The following NRG1 variants were observed in gnomAD, a reference collection of about 807,000 sequenced individuals.
NRG1 encodes neuregulin 1, also known as pro-neuregulin-1, membrane-bound isoform.
In NRG1, 18 loss-of-function variants were observed where a neutral mutation model predicts 63.8. That is an observed-to-expected ratio of 0.28 (90% CI 0.19 to 0.42). The LOEUF (loss-of-function observed/expected upper bound fraction) is 0.42. Among genes scored for constraint, NRG1 ranks in the 10% least tolerant of loss-of-function variants. NRG1 has a pLI of 1.00. For missense variants in NRG1, 762 were observed against 814.7 expected, an observed-to-expected ratio of 0.94 and a Z score of 0.79; for synonymous variants, 302 against 301.3, an observed-to-expected ratio of 1.00 and a Z score of -0.02.
chr8:32,541,467 G>A (rs1832564393), intron 1 of NRG1, among the ~76,000 whole-genome samples: 1 of 149,000 alleles, frequency 6.7e-6, no homozygotes, highest in South Asian at 2.1e-4. Flanking sequence ...AATCTGTTTT[G>A]GAAATGCTTT....
At chr8:31,976,963 G>A (rs1204746973) in intron 1 of NRG1, among the ~76,000 whole-genome samples, 1 of 152,158 alleles carries the variant, frequency 6.6e-6, no homozygotes, top group East Asian at 1.9e-4. Context: ...AAGATGAAAT[G>A]TTTGTGGTTT....
At chr8:32,371,944 G>A (rs1339415110) in intron 1 of NRG1, among the ~76,000 whole-genome samples, 7 of 150,678 alleles carry the variant, frequency 4.6e-5, no homozygotes, top group Middle Eastern at 3.4e-3. Context: ...TGTGAGATAC[G>A]ATTTACCACA....
chr8:32,154,221 A>G (rs959457811), intron 1 of NRG1, among the ~76,000 whole-genome samples: 3 of 152,136 alleles, frequency 2.0e-5, no homozygotes, highest in African/African-American at 7.2e-5. Flanking sequence ...AGGAAGGCCA[A>G]TGCAGTTTTG....
chr8:32,725,272 G>A (rs1178911940), intron 5 of NRG1, among the ~76,000 whole-genome samples: 2 of 152,038 alleles, frequency 1.3e-5, no homozygotes, highest in African/African-American at 4.8e-5. Context: ...AGATGCAAAG[G>A]CCACTAGGGT....
intron 5 of NRG1, among the ~76,000 whole-genome samples, chr8:32,621,600 C>T (rs913841066): frequency 3.3e-5 from 5 of 152,068 alleles, no homozygotes; most frequent in African/African-American, 7.2e-5. Flanking sequence ...GAAAACAAAA[C>T]GGAAAATCTA....
chr8:32,698,290 C>CATATATTTTTTTTT (rs1813903663), intron 5 of NRG1, among the ~76,000 whole-genome samples: 1 of 151,854 alleles, frequency 6.6e-6, no homozygotes, highest in Admixed American at 6.6e-5. Flanking sequence ...TGCCTCTTTT[C>CATATATTTTTTTTT]TGTCGCATTC....
chr8:32,759,335 T>G, exon 10 of NRG1: 1 of 1,613,886 alleles, frequency 6.2e-7, no homozygotes, highest in Non-Finnish European at 8.5e-7. Flanking sequence ...TCATCTCCAG[T>G]GAGCATATTG....
At chr8:32,709,382 C>T (rs1297488258) in intron 5 of NRG1, among the ~76,000 whole-genome samples, 13 of 151,788 alleles carry the variant, frequency 8.6e-5, no homozygotes, top group Admixed American at 8.5e-4. Flanking sequence ...CTGTGACTTA[C>T]CTTGCTATAT....
At chr8:31,873,546 G>A (rs879393808) in intron 1 of NRG1, among the ~76,000 whole-genome samples, 3 of 152,122 alleles carry the variant, frequency 2.0e-5, no homozygotes, top group Non-Finnish European at 4.4e-5. Context: ...GTGACACAGC[G>A]AGACTCCGTC....
intron 1 of NRG1, among the ~76,000 whole-genome samples, chr8:32,550,421 A>T (rs1833898183): frequency 2.0e-5 from 3 of 151,974 alleles, no homozygotes; most frequent in African/African-American, 7.3e-5. Flanking sequence ...CGTTGTAAAG[A>T]GTTATTTTGG....
chr8:32,605,064 A>G (rs1845039024), intron 2 of NRG1, among the ~76,000 whole-genome samples: 1 of 152,134 alleles, frequency 6.6e-6, no homozygotes, highest in Admixed American at 6.6e-5. Context: ...CAAAATTAAC[A>G]TTATTCTTGA....
intron 1 of NRG1, among the ~76,000 whole-genome samples, chr8:31,664,996 G>C (rs574131762): frequency 4.3e-4 from 66 of 152,330 alleles, no homozygotes; most frequent in African/African-American, 1.4e-3. Context: ...TAAGAATTCA[G>C]AGGAGGTAGA....
At chr8:32,141,061 T>G (rs887675691) in intron 1 of NRG1, among the ~76,000 whole-genome samples, 2 of 152,124 alleles carry the variant, frequency 1.3e-5, no homozygotes, top group East Asian at 3.9e-4. Context: ...TGAGAAATCT[T>G]ATTAGTATCC....
intron 1 of NRG1, among the ~76,000 whole-genome samples, chr8:32,516,238 G>GCCA (rs1431145813): frequency 2.0e-5 from 3 of 151,968 alleles, no homozygotes; most frequent in Non-Finnish European, 4.4e-5. Flanking sequence ...TTATTTCTGG[G>GCCA]TTCTTTATTC....
chr8:31,696,732 C>A (rs535869154), intron 1 of NRG1, among the ~76,000 whole-genome samples: 8 of 152,252 alleles, frequency 5.3e-5, no homozygotes, highest in Admixed American at 4.6e-4. Context: ...TAAATGGAAA[C>A]CTGAGCAGTT....
chr8:32,718,771 T>G (rs1002696486), intron 5 of NRG1, among the ~76,000 whole-genome samples: 3 of 152,196 alleles, frequency 2.0e-5, no homozygotes, highest in African/African-American at 7.2e-5. Flanking sequence ...TAGGCCAAAT[T>G]CACCTTCTTA....
chr8:32,663,762 G>A (rs1803455401), intron 5 of NRG1, among the ~76,000 whole-genome samples: 1 of 152,046 alleles, frequency 6.6e-6, no homozygotes, highest in Admixed American at 6.6e-5. Context: ...CAGGGTGAAG[G>A]CTCCTGTTGC....
chr8:31,793,278 C>T (rs1256598356), intron 1 of NRG1, among the ~76,000 whole-genome samples: 1 of 152,172 alleles, frequency 6.6e-6, no homozygotes, highest in Non-Finnish European at 1.5e-5. Flanking sequence ...AAATTTGGAG[C>T]TCTGCTGCAC....
chr8:32,238,879 G>T (rs1363884362), intron 1 of NRG1, among the ~76,000 whole-genome samples: 1 of 152,170 alleles, frequency 6.6e-6, no homozygotes, highest in East Asian at 1.9e-4. Flanking sequence ...CCAGGCTGAG[G>T]ATGTGCCTGA....
Sources: allele counts gnomAD v4.1 joint callset (sites outside exome capture counted in the v4.1 genomes callset), GRCh38; gene constraint gnomAD v4.1.1; transcripts MANE v1.5; gene names NCBI Gene and HGNC (gene_info 2026-07-23, HGNC 2026-07-21).